Variants in ZNF385D observed in about 807,000 individuals in gnomAD.
The protein encoded by ZNF385D is zinc finger protein 385D.
In ZNF385D, 15 loss-of-function variants were observed where a neutral mutation model predicts 35.8. The ratio of observed to expected loss-of-function variants is 0.42; its 90% CI spans 0.28 to 0.64. The LOEUF (loss-of-function observed/expected upper bound fraction) is 0.64. Ranked by LOEUF, ZNF385D falls within the 30% of genes least tolerant of loss-of-function variation. The pLI is 0.23. For synonymous variants in ZNF385D, 212 were observed against 186.8 expected (o/e 1.13, Z -1.10); for missense variants, 474 against 494.6 (o/e 0.96, Z 0.39).
At chr3:21,952,711 G>A (rs1702118524) in intron 3 of ZNF385D, among the ~76,000 whole-genome samples, 1 of 151,788 alleles carries the variant, frequency 6.6e-6, no homozygotes, top group Non-Finnish European at 1.5e-5. Flanking sequence ...TATAATTATG[G>A]ATTAATTTTT....
At chr3:21,433,910 C>G (rs901968812) in intron 5 of ZNF385D, among the ~76,000 whole-genome samples, 6 of 152,082 alleles carry the variant, frequency 3.9e-5, no homozygotes, top group Admixed American at 3.9e-4. Flanking sequence ...AATTCAGTAA[C>G]AAGTTTTTGT....
intron 3 of ZNF385D, among the ~76,000 whole-genome samples, chr3:21,988,427 C>G (rs1201285634): frequency 7.6e-6 from 1 of 130,880 alleles, no homozygotes; most frequent in East Asian, 2.2e-4. Flanking sequence ...AATACCCTGC[C>G]GTGTGAGGTG....
In ZNF385D at chr3:21,437,090, T is replaced by C. The variant is rs564440674; in HGVS notation, c.553A>G (p.Thr185Ala). Residue 185 changes from threonine (T) to alanine (A), a missense_variant, in exon 5 of 8, where the codon ACT becomes GCT. Physicochemically the swap from Thr to Ala is moderately conservative, Grantham distance 58. Transcript: ENST00000281523. The part of the protein sequence containing the change: ...SKVEKSPTTA[T>A]GNSSCPSTET... ...GTAGAAGGACATGAGCTATTGCCAG[T>C]GGCTGTCGTTGGGCTTTTTTCCACT... The C allele has an allele frequency of 1.3e-4, 204 of 1,614,016 alleles. 2 individuals carry two copies. In the South Asian group the frequency reaches 2.0e-3, roughly 16 times the overall value.
chr3:21,536,130 G>T (rs2062031384), intron 3 of ZNF385D, among the ~76,000 whole-genome samples: 1 of 151,838 alleles, frequency 6.6e-6, no homozygotes, highest in Non-Finnish European at 1.5e-5. Flanking sequence ...TGGAAAAAAA[G>T]TATATGTCTC....
intron 3 of ZNF385D, among the ~76,000 whole-genome samples, chr3:21,898,052 G>C (rs972537066): frequency 3.9e-5 from 6 of 152,012 alleles, no homozygotes; most frequent in African/African-American, 1.4e-4. Flanking sequence ...TGTGCACTGG[G>C]ATTGTATTTT....
At chr3:22,203,054 T>G (rs183701575) in intron 2 of ZNF385D, among the ~76,000 whole-genome samples, 1 of 152,040 alleles carries the variant, frequency 6.6e-6, no homozygotes, top group Non-Finnish European at 1.5e-5. Context: ...GGAGACATCA[T>G]CTGGGTGTCT....
At chr3:21,555,406 C>T (rs1052257982) in intron 3 of ZNF385D, among the ~76,000 whole-genome samples, 4 of 151,998 alleles carry the variant, frequency 2.6e-5, no homozygotes, top group Middle Eastern at 3.2e-3. Flanking sequence ...TGTGATGTTC[C>T]CTTCCCTGTG....
intron 2 of ZNF385D, among the ~76,000 whole-genome samples, chr3:22,313,924 T>A (rs1412254112): frequency 3.3e-5 from 5 of 152,144 alleles, no homozygotes; most frequent in Non-Finnish European, 5.9e-5. Flanking sequence ...TTCTTCATTT[T>A]GGCTCTCTTC....
At chr3:22,304,679 TTTC>T (rs1032928047) in intron 2 of ZNF385D, among the ~76,000 whole-genome samples, 1 of 152,150 alleles carries the variant, frequency 6.6e-6, no homozygotes, top group Non-Finnish European at 1.5e-5. Flanking sequence ...CATCTGGTAT[TTTC>T]TTTTCTTAAA....
intron 2 of ZNF385D, among the ~76,000 whole-genome samples, chr3:22,311,506 A>T (rs1417989161): frequency 1.3e-5 from 2 of 152,018 alleles, no homozygotes; most frequent in African/African-American, 4.8e-5. Flanking sequence ...ATACTTACCT[A>T]TTTATTCATT....
chr3:21,664,145 C>T (rs9830291), intron 2 of ZNF385D, among the ~76,000 whole-genome samples: 1,907 of 150,488 alleles, frequency 0.013, 38 homozygotes, highest in African/African-American at 0.044. Flanking sequence ...CGTTTCTAAC[C>T]TTTTCAACCC....
chr3:22,181,302 C>T (rs1316471890), intron 2 of ZNF385D, among the ~76,000 whole-genome samples: 1 of 152,066 alleles, frequency 6.6e-6, no homozygotes, highest in Non-Finnish European at 1.5e-5. Context: ...GGCACATATA[C>T]TCTAGGATGG....
chr3:21,993,017 C>T (rs985842144), intron 3 of ZNF385D, among the ~76,000 whole-genome samples: 1 of 152,168 alleles, frequency 6.6e-6, no homozygotes, highest in Non-Finnish European at 1.5e-5. Flanking sequence ...AATTTTTGAG[C>T]TTGCTCATTT....
chr3:21,848,299 A>G (rs1343269211), intron 3 of ZNF385D, among the ~76,000 whole-genome samples: 1 of 152,070 alleles, frequency 6.6e-6, no homozygotes, highest in Non-Finnish European at 1.5e-5. Context: ...GTAGTGCTAC[A>G]GTGAACATGG....
chr3:22,172,120 T>G (rs1256580305), intron 2 of ZNF385D, among the ~76,000 whole-genome samples: 2 of 152,204 alleles, frequency 1.3e-5, no homozygotes, highest in Non-Finnish European at 2.9e-5. Context: ...TATCAATTTG[T>G]CCACTTTTTT....
chr3:21,996,829 T>C (rs1047112145), intron 3 of ZNF385D, among the ~76,000 whole-genome samples: 2 of 152,228 alleles, frequency 1.3e-5, no homozygotes, highest in African/African-American at 4.8e-5. Context: ...AGCACATTCA[T>C]TCATATTTCT....
chr3:21,745,783 G>A (rs1030797988), intron 1 of ZNF385D, among the ~76,000 whole-genome samples: 6 of 152,122 alleles, frequency 3.9e-5, no homozygotes, highest in African/African-American at 1.4e-4. Flanking sequence ...AGTAGAAATA[G>A]GCTTCTGCTT....
intron 2 of ZNF385D, among the ~76,000 whole-genome samples, chr3:21,607,302 A>G (rs1284009983): frequency 6.6e-6 from 1 of 152,234 alleles, no homozygotes; most frequent in East Asian, 1.9e-4. Context: ...GTCATCCTCC[A>G]ATAACTGTAA....
chr3:22,366,243 A>ACCCAATAC (rs1442809038), intron 2 of ZNF385D, among the ~76,000 whole-genome samples: 3 of 152,048 alleles, frequency 2.0e-5, no homozygotes, highest in African/African-American at 7.2e-5. Context: ...AGCCAACTAC[A>ACCCAATAC]CCCAATACAA....
Sources: gnomAD v4.1 joint callset for allele counts (sites outside exome capture counted in the v4.1 genomes callset) on GRCh38, gnomAD v4.1.1 for gene constraint, MANE v1.5 for transcripts, NCBI Gene and HGNC (gene_info 2026-07-23, HGNC 2026-07-21) for gene names.